HEXD: variants seen among roughly 807,000 people sequenced by gnomAD.
HEXD encodes hexosaminidase D, also known as N-acetyl-beta-galactosaminidase.
HEXD carries 47 observed loss-of-function variants against 54.2 expected under a neutral mutation model. The ratio of observed to expected loss-of-function variants is 0.87; its 90% CI spans 0.69 to 1.11. The LOEUF (loss-of-function observed/expected upper bound fraction) is 1.11. Among genes scored for constraint, HEXD ranks in the 50% least tolerant of loss-of-function variants. The pLI, the probability that HEXD is intolerant of heterozygous loss-of-function variation, is 0.00. For missense variants in HEXD, 576 were observed against 649.2 expected (o/e 0.89, Z 1.23); for synonymous variants, 293 against 287.6 (o/e 1.02, Z -0.19).
intron 3 of HEXD, among the ~76,000 whole-genome samples, chr17:82,425,296 G>A (rs973683191): frequency 6.7e-6 from 1 of 149,896 alleles, no homozygotes; most frequent in Non-Finnish European, 1.5e-5. Context: ...GAGAAGGCTA[G>A]ATAAGGTTAG....
chr17:82,422,937 ATC>A (rs1245817591), intron 2 of HEXD, among the ~76,000 whole-genome samples: 1 of 151,996 alleles, frequency 6.6e-6, no homozygotes, highest in African/African-American at 2.4e-5. Context: ...GGTGCCTGTA[ATC>A]TCAGCTACTC....
intron 9 of HEXD, chr17:82,440,761 T>A: frequency 1.8e-6 from 1 of 563,348 alleles, no homozygotes; most frequent in Non-Finnish European, 3.1e-6. Flanking sequence ...CAACACAGTC[T>A]TACTTCTGTT....
At chr17:82,436,853 GC>G in intron 7 of HEXD, 115 bp downstream of exon 7, 1 of 971,292 alleles carries the variant, frequency 1.0e-6, no homozygotes, top group Non-Finnish European at 1.5e-6. Flanking sequence ...ACGGGTAGAG[GC>G]CAGGGCACAG....
intron 8 of HEXD, among the ~76,000 whole-genome samples, chr17:82,438,035 G>T (rs1326757025): frequency 6.6e-6 from 1 of 152,104 alleles, no homozygotes; most frequent in African/African-American, 2.4e-5. Flanking sequence ...TCCAGAGTTC[G>T]TGACCAGCCT....
chr17:82,432,503 G>A (rs974072800), intron 4 of HEXD, among the ~76,000 whole-genome samples: 1 of 152,214 alleles, frequency 6.6e-6, no homozygotes, highest in South Asian at 2.1e-4. Context: ...GGGGCAGTGA[G>A]TAGCCCTAGG....
In HEXD at chr17:82,439,654, G is replaced by T; in HGVS notation, c.923G>T (p.Cys308Phe). 6.3e-7 allele frequency: 1 copy of T among 1,591,398 alleles called. No individual in the cohort carries two copies. The highest frequency in any genetic ancestry group is 1.1e-5 in the South Asian group (1 of 89,558). ...WQRYDHYSVL[C>F]ELLPAGVPSL... is the part of the protein sequence containing the mutation. ...AGGTACGACCACTACTCTGTGCTGTGCGAGCTGCTGCCCGCAGGAGTCCCG... is the reference window on the plus strand; with the variant it reads ...AGGTACGACCACTACTCTGTGCTGTTCGAGCTGCTGCCCGCAGGAGTCCCG... Residue 308 changes from cysteine to phenylalanine, a missense_variant, in exon 9 of 13, where the codon TGC becomes TTC. Cys to Phe is a radical substitution (Grantham distance 205, BLOSUM62 -2). Transcript: ENST00000327949.
At chr17:82,433,119 TATATA>T (rs1286027701) in intron 4 of HEXD, among the ~76,000 whole-genome samples, 3 of 15,408 alleles carry the variant, frequency 1.9e-4, no homozygotes, top group African/African-American at 7.2e-4. Flanking sequence ...TATATATATA[TATATA>T]TATATTTTTT....
At chr17:82,431,615 T>C (rs2143514565) in intron 4 of HEXD, among the ~76,000 whole-genome samples, 1 of 152,074 alleles carries the variant, frequency 6.6e-6, no homozygotes, top group South Asian at 2.1e-4. Flanking sequence ...GGTTTTGCCA[T>C]GTTGGCCAAA....
intron 3 of HEXD, among the ~76,000 whole-genome samples, chr17:82,427,873 C>G (rs2053462134): frequency 6.6e-6 from 1 of 152,184 alleles, no homozygotes; most frequent in African/African-American, 2.4e-5. Flanking sequence ...AGGATGTGGC[C>G]CTTCTGCAGA....
chr17:82,426,851 G>C (rs59770739), intron 3 of HEXD: 2 of 150,968 alleles, frequency 1.3e-5, no homozygotes, highest in South Asian at 2.1e-4. Flanking sequence ...TTAGCTGGGC[G>C]TGGCCAGGCG....
In HEXD at chr17:82,441,880, C is replaced by T. The variant is rs1369623258; in HGVS notation, c.1244C>T (p.Ala415Val). The T allele has an allele frequency of 1.1e-5, 18 of 1,613,052 alleles. No individual in the cohort carries two copies. The South Asian group carries it at 2.0e-4, about 18-fold the overall frequency. The change falls in exon 12 of 13, where the codon GCA becomes GTA. Residue 415 changes from alanine (A) to valine (V), a missense_variant. Ala to Val is a moderately conservative substitution (Grantham distance 64). Coordinates refer to ENST00000327949, the MANE Select transcript of HEXD (RefSeq NM_001330542.2). ...HPVMVQHIQPAALSLLAQWST... is the reference protein window; with the variant it reads ...HPVMVQHIQPVALSLLAQWST... ...GTCATGGTTCAGCACATCCAGCCCG[C>T]AGCGCTCAGGTGAGGCCCTGGGCTC...
rs2053678316 is a variant in HEXD, at chr17:82,433,748, C to T, written c.373C>T (p.Leu125=). The change falls in exon 5 of 13, where the codon CTG becomes TTG. Residue 125 remains leucine (L), a synonymous_variant. Coordinates refer to ENST00000327949, the MANE Select transcript of HEXD (RefSeq NM_001330542.2). ...CCCCCACGAGGCAGAGTCCCTGGCG[C>T]TGGTGGGCGCCATGATTGACCAGGT... ...LNPHEAESLA[L]VGAMIDQVLE... The T allele has an allele frequency of 1.2e-6, 2 of 1,613,134 alleles. No homozygotes were observed. Among genetic ancestry groups the T allele is most frequent in the East Asian group, 4.5e-5 (2 of 44,858 alleles).
chr17:82,419,465 T>C (rs1017160831), intron 1 of HEXD, among the ~76,000 whole-genome samples: 1 of 152,248 alleles, frequency 6.6e-6, no homozygotes, highest in Non-Finnish European at 1.5e-5. Context: ...TAACAAGGTC[T>C]TTAAAACAAG....
chr17:82,418,398 C>A lies in HEXD; in HGVS notation c.-394C>A. Reference sequence around the variant, plus strand: ...CGCCGCCGCAGCGCGCGCCCTTCCCCTCCTCACCGCTACCTGCTCCGGTTC... The same window carrying A: ...CGCCGCCGCAGCGCGCGCCCTTCCCATCCTCACCGCTACCTGCTCCGGTTC... On this transcript the variant is annotated 5_prime_UTR_variant, in exon 1 of 13. Coordinates refer to ENST00000327949, the MANE Select transcript of HEXD (RefSeq NM_001330542.2). 1 of 1,474,520 alleles carries A rather than the reference C, an allele frequency of 6.8e-7. No homozygotes were observed. The highest frequency in any genetic ancestry group is 1.3e-5 in the South Asian group (1 of 79,110). 91.3% of individuals were successfully genotyped at this position (1,474,520 alleles called of 1,614,324 possible).
intron 12 of HEXD, 100 bp downstream of exon 12, chr17:82,441,989 C>T: frequency 7.2e-7 from 1 of 1,384,672 alleles, no homozygotes; most frequent in East Asian, 2.3e-5. Context: ...GGGTGAGCCC[C>T]TAGTTGTAAA....
At chr17:82,428,680 G>A (rs778035837) in intron 4 of HEXD, 35 bp downstream of exon 4, 3 of 1,579,600 alleles carry the variant, frequency 1.9e-6, no homozygotes, top group East Asian at 2.2e-5. Flanking sequence ...CTGGTGCCAG[G>A]TGTGGGGTCC....
chr17:82,431,186 C>A (rs2053566135), intron 4 of HEXD, among the ~76,000 whole-genome samples: 1 of 151,402 alleles, frequency 6.6e-6, no homozygotes, highest in South Asian at 2.1e-4. Context: ...TTATTATTTG[C>A]AGATACCAGG....
intron 8 of HEXD, chr17:82,439,335 G>A (rs1204785640): frequency 1.9e-5 from 13 of 698,302 alleles, no homozygotes; most frequent in South Asian, 6.4e-5. Context: ...GAGGGACAAC[G>A]ACCGGCCACC....
In HEXD at chr17:82,442,300, A is replaced by G. The variant is rs775126794; in HGVS notation, c.1377A>G (p.Gln459=). ...ENVHPSLQRL[Q]ALLQDLSEVS... is the part of the protein sequence containing the mutation. ...TGCACCCCAGCCTGCAGCGGCTGCA[A>G]GCTCTGCTGCAGGACCTCAGCGAGG... Residue 459 remains glutamine, a synonymous_variant, in exon 13 of 13, where the codon CAA becomes CAG. Coordinates refer to ENST00000327949, the MANE Select transcript of HEXD (RefSeq NM_001330542.2). The surrounding 1 kb of genome is among the most constrained non-coding windows in gnomAD (Gnocchi z 6.8). 6.2e-7 allele frequency: 1 copy of G among 1,609,326 alleles called. No homozygotes were observed. The highest frequency in any genetic ancestry group is 8.5e-7 in the Non-Finnish European group (1 of 1,179,918).
Sources: gnomAD v4.1 joint callset for allele counts (sites outside exome capture counted in the v4.1 genomes callset) on GRCh38, gnomAD v4.1.1 for gene constraint, Gnocchi (gnomAD v3.1) non-coding constraint, MANE v1.5 for transcripts, NCBI Gene and HGNC (gene_info 2026-07-23, HGNC 2026-07-21) for gene names.